The following RBFOX1 variants were observed in gnomAD, a reference collection of about 807,000 sequenced individuals.
RBFOX1 encodes RNA binding fox-1 homolog 1.
Under a neutral mutation model 57.7 loss-of-function variants are expected in RBFOX1, and 8 were observed. The observed-to-expected ratio is 0.14, with a 90% CI of 0.08 to 0.25. The LOEUF (loss-of-function observed/expected upper bound fraction) is 0.25, where lower values mean the gene tolerates loss of function less well. RBFOX1 is among the 10% of genes least tolerant of loss of function. The pLI, the probability that RBFOX1 is intolerant of heterozygous loss-of-function variation, is 1.00. For synonymous variants in RBFOX1, 326 were observed against 222.4 expected, an observed-to-expected ratio of 1.47 and a Z score of -4.15; for missense variants, 611 against 548.5, an observed-to-expected ratio of 1.11 and a Z score of -1.14.
intron 3 of RBFOX1, among the ~76,000 whole-genome samples, chr16:6,931,877 A>C (rs1597585524): frequency 6.6e-6 from 1 of 152,182 alleles, no homozygotes; most frequent in South Asian, 2.1e-4. Flanking sequence ...GCGTGGTATA[A>C]GGCATCACAT....
At chr16:5,666,377 G>A (rs943388776) in intron 3 of RBFOX1, among the ~76,000 whole-genome samples, 1 of 152,192 alleles carries the variant, frequency 6.6e-6, no homozygotes, top group African/African-American at 2.4e-5. Flanking sequence ...GCTCACGGGA[G>A]CCTCTGGGAA....
intron 1 of RBFOX1, among the ~76,000 whole-genome samples, chr16:6,131,832 C>T (rs2096631751): frequency 6.6e-6 from 1 of 152,234 alleles, no homozygotes; most frequent in South Asian, 2.1e-4. Context: ...GGTGGTAACA[C>T]ATTCTCCTGC....
chr16:5,994,763 C>G (rs1403957005), intron 4 of RBFOX1, among the ~76,000 whole-genome samples: 4 of 152,180 alleles, frequency 2.6e-5, no homozygotes, highest in Admixed American at 2.0e-4. Context: ...TTGATGAGCC[C>G]TACTCCACAC....
At chr16:5,257,121 C>A (rs1164000226) in intron 1 of RBFOX1, among the ~76,000 whole-genome samples, 1 of 151,814 alleles carries the variant, frequency 6.6e-6, no homozygotes, top group African/African-American at 2.4e-5. Context: ...ACTTTGGGTT[C>A]TTTCCACAAG....
At chr16:6,172,482 T>C (rs776263138) in intron 1 of RBFOX1, among the ~76,000 whole-genome samples, 69 of 152,132 alleles carry the variant, frequency 4.5e-4, no homozygotes, top group African/African-American at 8.2e-4. Context: ...CAACCAAAAA[T>C]TGCCCCTGTG....
rs147623054 is a variant in RBFOX1, at chr16:6,684,717, A to G, written c.-16+30067A>G. Among the ~76,000 whole-genome samples the G allele has an allele frequency of 3.7e-3, 558 of 152,330 alleles. 1 individual carries two copies. Among genetic ancestry groups the G allele is most frequent in the African/African-American group, 0.012 (504 of 41,588 alleles). ...AATTAAAGATCACCTTAAATTGTGC[A>G]TGAGGGCCTAGCCCCCTGTCGTGAA... On this transcript the variant is annotated intron_variant, in intron 3 of 15. Transcript: ENST00000550418.
rs200272777 is a variant in RBFOX1, at chr16:5,939,695, AT to A, written c.351+72366del. The stretch of plus-strand genomic sequence containing the variant: ...TTGACTCAAGGGAGGTGGTGGCTCC[AT>A]TTTTTAAAAAAAAAAGTGTCAGCAA... On this transcript the variant is annotated intron_variant, in intron 4 of 19. Transcript: ENST00000641259. Among the ~76,000 whole-genome samples the A allele has an allele frequency of 3.0e-4, 46 of 152,002 alleles. No individual in the cohort carries two copies. In the South Asian group the frequency reaches 3.9e-3, roughly 13 times the overall value.
intron 7 of RBFOX1, among the ~76,000 whole-genome samples, chr16:7,590,998 G>A (rs2094416662): frequency 6.6e-6 from 1 of 152,124 alleles, no homozygotes; most frequent in Non-Finnish European, 1.5e-5. Flanking sequence ...TTCCTGAGTA[G>A]CAGGAGAGAT....
At chr16:6,619,233 G>T (rs947919452) in intron 2 of RBFOX1, among the ~76,000 whole-genome samples, 24 of 152,012 alleles carry the variant, frequency 1.6e-4, no homozygotes, top group African/African-American at 5.8e-4. Context: ...GAGGCAGCTG[G>T]GCTAACACTG....
intron 14 of RBFOX1, chr16:7,693,496 T>G: frequency 1.4e-6 from 1 of 713,626 alleles, no homozygotes; most frequent in Non-Finnish European, 2.3e-6. Flanking sequence ...AAAAAAGATC[T>G]TATATCTTTG....
At chr16:5,583,877 A>G (rs1031251376) in intron 2 of RBFOX1, among the ~76,000 whole-genome samples, 4 of 152,206 alleles carry the variant, frequency 2.6e-5, no homozygotes, top group African/African-American at 9.6e-5. Flanking sequence ...TCTAGAGCCC[A>G]TGGCCTGAAC....
chr16:6,462,523 C>G (rs545879502), intron 2 of RBFOX1, among the ~76,000 whole-genome samples: 1 of 152,242 alleles, frequency 6.6e-6, no homozygotes, highest in South Asian at 2.1e-4. Flanking sequence ...TAGATTAATT[C>G]TTCGTTGGAT....
intron 1 of RBFOX1, among the ~76,000 whole-genome samples, chr16:6,257,384 C>G (rs930900608): frequency 1.3e-5 from 2 of 152,052 alleles, no homozygotes; most frequent in Non-Finnish European, 2.9e-5. Flanking sequence ...AATTAAAAGA[C>G]AGCATCAACA....
At chr16:5,383,285 A>G (rs568858293) in intron 1 of RBFOX1, among the ~76,000 whole-genome samples, 2 of 152,180 alleles carry the variant, frequency 1.3e-5, no homozygotes, top group Non-Finnish European at 2.9e-5. Context: ...TGGTGTGGGG[A>G]AAAGGTGGGC....
At chr16:6,655,634 C>G (rs1045664949) in intron 3 of RBFOX1, among the ~76,000 whole-genome samples, 3 of 152,118 alleles carry the variant, frequency 2.0e-5, no homozygotes, top group South Asian at 2.1e-4. Context: ...AGTTCACAGA[C>G]ATTTCTGCAG....
intron 2 of RBFOX1, among the ~76,000 whole-genome samples, chr16:6,588,997 C>T (rs968342997): frequency 1.3e-5 from 2 of 152,084 alleles, no homozygotes; most frequent in African/African-American, 2.4e-5. Flanking sequence ...CCTAACTATC[C>T]TTTTTTCCAT....
intron 4 of RBFOX1, among the ~76,000 whole-genome samples, chr16:7,086,115 A>G (rs1371012073): frequency 6.6e-6 from 1 of 152,162 alleles, no homozygotes; most frequent in Non-Finnish European, 1.5e-5. Context: ...CTTAGCCAGT[A>G]TGCATCTTGA....
chr16:7,046,563 C>G (rs1311163741), intron 3 of RBFOX1, among the ~76,000 whole-genome samples: 2 of 149,368 alleles, frequency 1.3e-5, no homozygotes, highest in Non-Finnish European at 3.0e-5. Context: ...AAGTTTATCA[C>G]CACGTATGCC....
chr16:5,540,183 T>C (rs1171120360), intron 2 of RBFOX1, among the ~76,000 whole-genome samples: 1 of 152,202 alleles, frequency 6.6e-6, no homozygotes, highest in African/African-American at 2.4e-5. Context: ...TTAGACACCA[T>C]GTGGCACTGC....
Sources: allele counts gnomAD v4.1 joint callset (sites outside exome capture counted in the v4.1 genomes callset), GRCh38; gene constraint gnomAD v4.1.1; transcripts MANE v1.5; gene names NCBI Gene and HGNC (gene_info 2026-07-23, HGNC 2026-07-21).